The following ZBTB20 variants were observed in gnomAD, a reference collection of about 807,000 sequenced individuals.
ZBTB20 encodes zinc finger and BTB domain-containing protein 20.
In ZBTB20, 9 loss-of-function variants were observed where a neutral mutation model predicts 56.9. That is an observed-to-expected ratio of 0.16 (90% CI 0.10 to 0.28). ZBTB20 has a LOEUF of 0.28. Ranked by LOEUF, ZBTB20 falls within the 10% of genes least tolerant of loss-of-function variation. ZBTB20 has a pLI of 1.00. For missense variants in ZBTB20, 655 were observed against 1,003.0 expected, an observed-to-expected ratio of 0.65 and a Z score of 4.69; for synonymous variants, 417 against 420.7, an observed-to-expected ratio of 0.99 and a Z score of 0.11.
At chr3:115,107,886 C>G (rs2083768548) in intron 1 of ZBTB20, among the ~76,000 whole-genome samples, 1 of 152,138 alleles carries the variant, frequency 6.6e-6, no homozygotes, top group Admixed American at 6.5e-5. Flanking sequence ...CAAACTAACA[C>G]AGGAATAGAA....
intron 7 of ZBTB20, among the ~76,000 whole-genome samples, chr3:114,470,877 T>C (rs144697264): frequency 6.6e-6 from 1 of 152,186 alleles, no homozygotes; most frequent in Non-Finnish European, 1.5e-5. Flanking sequence ...GACTCTAAAA[T>C]TCATCTTTGT....
At chr3:114,462,941 T>C (rs1030271800) in intron 7 of ZBTB20, among the ~76,000 whole-genome samples, 2 of 152,214 alleles carry the variant, frequency 1.3e-5, no homozygotes, top group Non-Finnish European at 2.9e-5. Context: ...AAGACTAATG[T>C]CTGCACGTCA....
At chr3:114,910,060 A>G (rs2107703921) in intron 3 of ZBTB20, among the ~76,000 whole-genome samples, 1 of 152,108 alleles carries the variant, frequency 6.6e-6, no homozygotes, top group East Asian at 1.9e-4. Flanking sequence ...AAAAGAAGAT[A>G]GAAATAAAAT....
intron 4 of ZBTB20, among the ~76,000 whole-genome samples, chr3:114,813,040 C>G (rs1021566713): frequency 6.6e-6 from 1 of 152,074 alleles, no homozygotes; most frequent in African/African-American, 2.4e-5. Flanking sequence ...CCTCTCCCTC[C>G]ACACCTCCTC....
At chr3:114,723,344 A>T (rs1578533964) in intron 5 of ZBTB20, among the ~76,000 whole-genome samples, 5 of 152,232 alleles carry the variant, frequency 3.3e-5, no homozygotes, top group Middle Eastern at 3.4e-3. Context: ...GTGACTTTTC[A>T]TTATCTGAGA....
intron 7 of ZBTB20, among the ~76,000 whole-genome samples, chr3:114,459,075 AG>A (rs2092195512): frequency 6.6e-6 from 1 of 152,206 alleles, no homozygotes; most frequent in Non-Finnish European, 1.5e-5. Flanking sequence ...TTTATTATGC[AG>A]GAAGGTTTCT....
intron 5 of ZBTB20, among the ~76,000 whole-genome samples, chr3:114,756,705 T>C (rs1402878225): frequency 1.3e-5 from 2 of 152,166 alleles, no homozygotes; most frequent in South Asian, 2.1e-4. Context: ...TTAGTCTACT[T>C]TGCATATTTT....
chr3:114,718,566 C>T (rs772443430), intron 5 of ZBTB20, among the ~76,000 whole-genome samples: 2 of 151,772 alleles, frequency 1.3e-5, no homozygotes, highest in South Asian at 2.1e-4. Context: ...GTCACTGACA[C>T]GAGAAAATAT....
intron 4 of ZBTB20, among the ~76,000 whole-genome samples, chr3:114,815,742 C>G (rs80196816): frequency 1.3e-5 from 2 of 151,968 alleles, no homozygotes; most frequent in East Asian, 3.8e-4. Flanking sequence ...AACACGCACA[C>G]GCACACACGA....
At chr3:115,061,976 A>G (rs1313507610) in intron 2 of ZBTB20, among the ~76,000 whole-genome samples, 1 of 152,188 alleles carries the variant, frequency 6.6e-6, no homozygotes, top group African/African-American at 2.4e-5. Context: ...ATAAAATGAC[A>G]ATATAAAAAT....
At chr3:114,795,356 G>A (rs77325269) in intron 5 of ZBTB20, among the ~76,000 whole-genome samples, 4,340 of 152,044 alleles carry the variant, frequency 0.029, 94 homozygotes, top group Middle Eastern at 0.12. Flanking sequence ...ACTGCATTCA[G>A]AATAAAATTA....
Position 114,853,558 on chromosome 3 carries a change from G to T in ZBTB20, c.-417+46746C>A, listed in dbSNP as rs1457534515. Among the ~76,000 whole-genome samples the T allele has an allele frequency of 2.0e-5, 3 of 152,158 alleles. No individual in the cohort carries two copies. The South Asian group carries it at 6.2e-4, about 32-fold the overall frequency. On this transcript the variant is annotated intron_variant, in intron 4 of 11. Coordinates refer to ENST00000675478, the MANE Select transcript of ZBTB20 (RefSeq NM_001348800.3). The stretch of plus-strand genomic sequence containing the variant: ...CAATCCTTCTCTCAATCAAGTGCTT[G>T]CCCGTCCTTGTCCTTAAACCCCTGG...
chr3:114,464,765 T>C (rs11921658), intron 7 of ZBTB20, among the ~76,000 whole-genome samples: 48,182 of 151,924 alleles, frequency 0.32, 9,628 homozygotes, highest in African/African-American at 0.57. Flanking sequence ...GAGGCCATTG[T>C]AGACCAGCTC....
intron 11 of ZBTB20, among the ~76,000 whole-genome samples, chr3:114,340,122 G>T (rs1485169403): frequency 2.6e-5 from 4 of 152,058 alleles, no homozygotes; most frequent in Admixed American, 2.6e-4. Context: ...GCCTCATCGG[G>T]TGTAGAGGCT....
chr3:114,686,671 T>A (rs531934872), intron 6 of ZBTB20, among the ~76,000 whole-genome samples: 3 of 152,312 alleles, frequency 2.0e-5, no homozygotes, highest in East Asian at 3.9e-4. Flanking sequence ...CCAACCTGTT[T>A]ATTCACACTG....
intron 6 of ZBTB20, among the ~76,000 whole-genome samples, chr3:114,682,786 T>A (rs1474319202): frequency 6.6e-6 from 1 of 152,216 alleles, no homozygotes; most frequent in Admixed American, 6.5e-5. Context: ...ATAATAGAAC[T>A]TTACATCCAT....
chr3:114,503,864 T>C (rs1027216422), intron 6 of ZBTB20, among the ~76,000 whole-genome samples: 2 of 152,180 alleles, frequency 1.3e-5, no homozygotes, highest in African/African-American at 4.8e-5. Context: ...TAGTGTAGTT[T>C]ATGTAAAGTT....
rs1320050917 is a variant in ZBTB20, at chr3:114,324,605, G to A, written c.*14400C>T. On this transcript the variant is annotated 3_prime_UTR_variant, in exon 12 of 12. Coordinates refer to ENST00000675478, the MANE Select transcript of ZBTB20 (RefSeq NM_001348800.3). ...TGAAAATTGGTACAAATAGCTCAGT[G>A]ACACACTCACACAGAAGTACAATTA... The A allele has an allele frequency of 6.6e-6, 1 of 150,936 alleles. No homozygotes were observed. Among genetic ancestry groups the A allele is most frequent in the East Asian group, 1.9e-4 (1 of 5,184 alleles). The allele number at this position is 150,936 out of a possible 1,614,324, so 9.3% of individuals were successfully genotyped here.
At chr3:114,943,361 A>G (rs139488856) in intron 3 of ZBTB20, among the ~76,000 whole-genome samples, 2 of 145,786 alleles carry the variant, frequency 1.4e-5, no homozygotes, top group Non-Finnish European at 3.0e-5. Flanking sequence ...ATCATCAAGC[A>G]TGCTAGGAAG....
Sources: gnomAD v4.1 joint callset for allele counts (sites outside exome capture counted in the v4.1 genomes callset) on GRCh38, gnomAD v4.1.1 for gene constraint, MANE v1.5 for transcripts, NCBI Gene and HGNC (gene_info 2026-07-23, HGNC 2026-07-21) for gene names.